Variants in RBM15B observed in about 807,000 individuals in gnomAD.
RBM15B encodes putative RNA-binding protein 15B.
In RBM15B, 11 loss-of-function variants were observed where a neutral mutation model predicts 53.3. That is an observed-to-expected ratio of 0.21 (90% CI 0.13 to 0.34). The LOEUF (loss-of-function observed/expected upper bound fraction) is 0.34. Among genes scored for constraint, RBM15B ranks in the 10% least tolerant of loss-of-function variants. The pLI, the probability that RBM15B is intolerant of heterozygous loss-of-function variation, is 1.00. For synonymous variants in RBM15B, 631 were observed against 540.7 expected, an observed-to-expected ratio of 1.17 and a Z score of -2.32; for missense variants, 1,136 against 1,250.3, an observed-to-expected ratio of 0.91 and a Z score of 1.38.
Position 51,396,100 on chromosome 3 carries a change from A to ATGTT in RBM15B, c.*2029_*2032dup. On this transcript the variant is annotated 3_prime_UTR_variant, in exon 1 of 1. Coordinates refer to ENST00000563281, the MANE Select transcript of RBM15B (RefSeq NM_013286.5). ...AGTCACAGGCCAGAGCTGCCTTGGT[A>ATGTT]TGTTGTTAAGTCCAAAACTTCTTCT... The ATGTT allele has an allele frequency of 2.4e-6, 1 of 410,236 alleles. No individual in the cohort carries two copies. Among genetic ancestry groups the ATGTT allele is most frequent in the Non-Finnish European group, 4.5e-6 (1 of 224,688 alleles). 25.4% of individuals were successfully genotyped at this position (410,236 alleles called of 1,614,324 possible).
At position 51,392,011 on chromosome 3, in the gene RBM15B, G is replaced by T. The variant is rs782102655; in HGVS notation, c.612G>T (p.Gln204His). Residue 204 changes from glutamine (Q) to histidine (H), a missense_variant, in exon 1 of 1, where the codon CAG becomes CAT. Gln to His is a conservative substitution (Grantham distance 24, BLOSUM62 0). This residue lies in a region of RBM15B where 204 missense variants were observed against 196.8 expected (regional missense o/e 1.04). Transcript: ENST00000563281. The surrounding 1 kb of genome is among the most constrained non-coding windows in gnomAD (Gnocchi z 7.5). ...CCCGCCAGCACGCCCTGGCCCGGCAGCTGCTGCTCTACGACCGCCCGCTCA... is the reference window on the plus strand; with the variant it reads ...CCCGCCAGCACGCCCTGGCCCGGCATCTGCTGCTCTACGACCGCCCGCTCA... ...REARQHALAR[Q>H]LLLYDRPLKV... 3.1e-6 allele frequency: 5 copies of T among 1,598,026 alleles called. No individual in the cohort carries two copies. The highest frequency in any genetic ancestry group is 4.2e-6 in the Non-Finnish European group (5 of 1,178,030).
At position 51,391,588 on chromosome 3, in the gene RBM15B, C is replaced by G. The variant is rs1338571612; in HGVS notation, c.189C>G (p.Gly63=). 7 of 1,178,166 alleles carry G rather than the reference C, an allele frequency of 5.9e-6. No individual in the cohort carries two copies. Among genetic ancestry groups the G allele is most frequent in the Non-Finnish European group, 7.3e-6 (7 of 953,894 alleles). 73.0% of individuals were successfully genotyped at this position (1,178,166 alleles called of 1,614,324 possible). Residue 63 remains glycine, a synonymous_variant, in exon 1 of 1, where the codon GGC becomes GGG. Transcript: ENST00000563281. This position sits in a 1 kb window ranked among gnomAD's most constrained non-coding sequence, Gnocchi z 4.5. The stretch of plus-strand genomic sequence containing the variant: ...ACAAACCCCGCGGCAGCGGAAGCGG[C>G]GGGGGCGGGCATCGCGACGGCCGCG... ...ARDKPRGSGS[G]GGGHRDGRGT... is the part of the protein sequence containing the mutation.
In RBM15B at chr3:51,393,450, G is replaced by C. The variant is rs535678560; in HGVS notation, c.2051G>C (p.Ser684Thr). 6.2e-7 allele frequency: 1 copy of C among 1,613,932 alleles called. No homozygotes were observed. Among genetic ancestry groups the C allele is most frequent in the Admixed American group, 1.7e-5 (1 of 60,030 alleles). The part of the protein sequence containing the change: ...DSSHGKKARD[S>T]ERNHRTTEAE... ...TCCCACGGGAAGAAGGCAAGAGACA[G>C]CGAGCGCAATCACCGGACCACAGAG... is the stretch of plus-strand genomic sequence containing the variant. Residue 684 changes from serine to threonine, a missense_variant, in exon 1 of 1, where the codon AGC becomes ACC. Ser to Thr is a moderately conservative substitution (Grantham distance 58). Around this residue, in one of 7 missense-constraint regions of RBM15B, gnomAD observed 578 missense variants for 581.6 expected, o/e 0.99. Coordinates refer to ENST00000563281, the MANE Select transcript of RBM15B (RefSeq NM_013286.5). The surrounding 1 kb of genome is among the most constrained non-coding windows in gnomAD (Gnocchi z 5.6).
At position 51,395,695 on chromosome 3, in the gene RBM15B, G is replaced by A. The variant is rs1012048576; in HGVS notation, c.*1623G>A. 8 of 412,122 alleles carry A rather than the reference G, an allele frequency of 1.9e-5. No individual in the cohort carries two copies. The highest frequency in any genetic ancestry group is 1.0e-4 in the African/African-American group (5 of 48,580). 25.5% of individuals were successfully genotyped at this position (412,122 alleles called of 1,614,324 possible). A position where few individuals can be genotyped will look rare whatever the true frequency, so the allele number is the denominator to read the frequency against. On this transcript the variant is annotated 3_prime_UTR_variant, in exon 1 of 1. Coordinates refer to ENST00000563281, the MANE Select transcript of RBM15B (RefSeq NM_013286.5). ...TGCTCCCTTACCGGAGCTAGGATAA[G>A]GTAGCATGAGTGACACCTGAGATTA...
Position 51,393,930 on chromosome 3 carries a change from C to A in RBM15B, c.2531C>A (p.Ser844Tyr). ...GTGATCAGCTTGCCAGTGGGGGGGT[C>A]CAAGGGCAGAGACGGCACAGGCATG... ...AGVISLPVGG[S>Y]KGRDGTGMLY... The change falls in exon 1 of 1, where the codon TCC (serine) becomes TAC (tyrosine). Residue 844 changes from serine (S) to tyrosine (Y), a missense_variant. Physicochemically the swap from Ser to Tyr is moderately radical, Grantham distance 144. Around this residue, in one of 7 missense-constraint regions of RBM15B, gnomAD observed 578 missense variants for 581.6 expected, o/e 0.99. Coordinates refer to ENST00000563281, the MANE Select transcript of RBM15B (RefSeq NM_013286.5). The surrounding 1 kb of genome is among the most constrained non-coding windows in gnomAD (Gnocchi z 5.6). 1 of 1,539,360 alleles carries A rather than the reference C, an allele frequency of 6.5e-7. No homozygotes were observed. Among genetic ancestry groups the A allele is most frequent in the Admixed American group, 2.1e-5 (1 of 48,212 alleles).
rs998613847 is a variant in RBM15B, at chr3:51,397,740, C to T, written c.*3668C>T. The T allele has an allele frequency of 6.0e-6, 1 of 167,236 alleles. No individual in the cohort carries two copies. Among genetic ancestry groups the T allele is most frequent in the South Asian group, 2.1e-4 (1 of 4,836 alleles). The allele number at this position is 167,236 out of a possible 1,614,324, so 10.4% of individuals were successfully genotyped here. A position where few individuals can be genotyped will look rare whatever the true frequency, so the allele number is the denominator to read the frequency against. On this transcript the variant is annotated 3_prime_UTR_variant, in exon 1 of 1. Transcript: ENST00000563281. ...GAGTGCTCTATGTGGGCAGAACATG[C>T]TCTCCTTGCCTCTCCTGGAAGGTGT...
chr3:51,392,611 C>A lies in RBM15B; in HGVS notation c.1212C>A (p.Arg404=), dbSNP rs782031786. Reference sequence around the variant, plus strand: ...CCATGTCGGGCCGAGTGATTGGTCGCAACCCCATTAAGATAGGCTATGGCA... The same window carrying A: ...CCATGTCGGGCCGAGTGATTGGTCGAAACCCCATTAAGATAGGCTATGGCA... ...KVAMSGRVIG[R]NPIKIGYGKA... is the part of the protein sequence containing the mutation. The change falls in exon 1 of 1, where the codon CGC becomes CGA. Residue 404 remains arginine, a synonymous_variant. Transcript: ENST00000563281. This position sits in a 1 kb window ranked among gnomAD's most constrained non-coding sequence, Gnocchi z 7.5. The A allele has an allele frequency of 6.2e-7, 1 of 1,614,080 alleles. No individual in the cohort carries two copies.
rs781851210 is a variant in RBM15B, at chr3:51,392,274, C to T, written c.875C>T (p.Ala292Val). ...GCAGCCTTCGCCCTGGATGCCGCTGCTGCCGCCGCCGTGGGACTGTCCCGG... is the reference window on the plus strand; with the variant it reads ...GCAGCCTTCGCCCTGGATGCCGCTGTTGCCGCCGCCGTGGGACTGTCCCGG... Reference protein sequence around the residue: ...AAAAFALDAAAAAAVGLSRER... With the variant: ...AAAAFALDAAVAAAVGLSRER... Residue 292 changes from alanine (A) to valine (V), a missense_variant, in exon 1 of 1, where the codon GCT (alanine) becomes GTT (valine). This residue lies in a region of RBM15B where 204 missense variants were observed against 196.8 expected (regional missense o/e 1.04). Transcript: ENST00000563281. This position sits in a 1 kb window ranked among gnomAD's most constrained non-coding sequence, Gnocchi z 7.5. 4 of 1,603,372 alleles carry T rather than the reference C, an allele frequency of 2.5e-6. No individual in the cohort carries two copies. The highest frequency in any genetic ancestry group is 3.4e-6 in the Non-Finnish European group (4 of 1,177,652).
At position 51,393,774 on chromosome 3, in the gene RBM15B, C is replaced by T. The variant is rs782102393; in HGVS notation, c.2375C>T (p.Ala792Val). The change falls in exon 1 of 1, where the codon GCG becomes GTG. Residue 792 changes from alanine to valine, a missense_variant. Ala to Val is a moderately conservative substitution (Grantham distance 64, BLOSUM62 0). This residue lies in a region of RBM15B where 578 missense variants were observed against 581.6 expected (regional missense o/e 0.99). Transcript: ENST00000563281. This position sits in a 1 kb window ranked among gnomAD's most constrained non-coding sequence, Gnocchi z 5.6. Reference sequence around the variant, plus strand: ...AAGCAGGGGAGCCCCAACGGCTATGCGGTCCTCTTAGCCACCCAGGCAACC... The same window carrying T: ...AAGCAGGGGAGCCCCAACGGCTATGTGGTCCTCTTAGCCACCCAGGCAACC... ...RIKQGSPNGY[A>V]VLLATQATPS... 1.2e-5 allele frequency: 20 copies of T among 1,613,830 alleles called. No homozygotes were observed. The highest frequency in any genetic ancestry group is 2.2e-5 in the South Asian group (2 of 91,072).
chr3:51,392,223 G>T lies in RBM15B; in HGVS notation c.824G>T (p.Arg275Leu). Residue 275 changes from arginine (R) to leucine (L), a missense_variant, in exon 1 of 1, where the codon CGG (arginine) becomes CTG (leucine). Arg to Leu is a moderately radical substitution (Grantham distance 102, BLOSUM62 -2). Around this residue, in one of 7 missense-constraint regions of RBM15B, gnomAD observed 204 missense variants for 196.8 expected, o/e 1.04. Coordinates refer to ENST00000563281, the MANE Select transcript of RBM15B (RefSeq NM_013286.5). The surrounding 1 kb of genome is among the most constrained non-coding windows in gnomAD (Gnocchi z 7.5). ...SLSPVAAPPL[R>L]EPRARHAAAA... ...TCCCCCGTCGCTGCCCCGCCCCTGC[G>T]GGAGCCCCGTGCCCGTCACGCCGCC... 1 of 1,559,560 alleles carries T rather than the reference G, an allele frequency of 6.4e-7. No individual in the cohort carries two copies.
At position 51,392,657 on chromosome 3, in the gene RBM15B, C is replaced by G; in HGVS notation, c.1258C>G (p.Leu420Val). 1 of 1,614,210 alleles carries G rather than the reference C, an allele frequency of 6.2e-7. No homozygotes were observed. The highest frequency in any genetic ancestry group is 8.5e-7 in the Non-Finnish European group (1 of 1,180,050). Residue 420 changes from leucine (L) to valine (V), a missense_variant, in exon 1 of 1, where the codon CTC becomes GTC. Leu to Val is a conservative substitution (Grantham distance 32). This residue lies in a region of RBM15B where 45 missense variants were observed against 80.7 expected (regional missense o/e 0.56). Transcript: ENST00000563281. The surrounding 1 kb of genome is among the most constrained non-coding windows in gnomAD (Gnocchi z 7.5). ...TGGCAAGGCCAACCCCACCACTCGT[C>G]TCTGGGTGGGTGGCCTGGGACCTAA... The part of the protein sequence containing the change: ...GYGKANPTTR[L>V]WVGGLGPNTS...
At position 51,393,005 on chromosome 3, in the gene RBM15B, C is replaced by T. The variant is rs782786682; in HGVS notation, c.1606C>T (p.Leu536Phe). ...GGTGCGGGACAGGACGCCCCCACAC[C>T]TTCTGTACTCAGACCGAGACCGGAC... ...DLVRDRTPPH[L>F]LYSDRDRTFL... The change falls in exon 1 of 1, where the codon CTT (leucine) becomes TTT (phenylalanine). Residue 536 changes from leucine to phenylalanine, a missense_variant. Physicochemically the swap from Leu to Phe is conservative, Grantham distance 22. This residue lies in a region of RBM15B where 578 missense variants were observed against 581.6 expected (regional missense o/e 0.99). Coordinates refer to ENST00000563281, the MANE Select transcript of RBM15B (RefSeq NM_013286.5). The surrounding 1 kb of genome is among the most constrained non-coding windows in gnomAD (Gnocchi z 5.6). 6 of 1,613,802 alleles carry T rather than the reference C, an allele frequency of 3.7e-6. No individual in the cohort carries two copies. Among genetic ancestry groups the T allele is most frequent in the Non-Finnish European group, 5.1e-6 (6 of 1,179,994 alleles).
chr3:51,393,028 G>C lies in RBM15B; in HGVS notation c.1629G>C (p.Arg543=). ...PPHLLYSDRD[R]TFLEGDWTSP... Reference sequence around the variant, plus strand: ...ACCTTCTGTACTCAGACCGAGACCGGACTTTTTTGGAAGGGGACTGGACCA... The same window carrying C: ...ACCTTCTGTACTCAGACCGAGACCGCACTTTTTTGGAAGGGGACTGGACCA... Residue 543 remains arginine, a synonymous_variant, in exon 1 of 1, where the codon CGG becomes CGC. Transcript: ENST00000563281. The surrounding 1 kb of genome is among the most constrained non-coding windows in gnomAD (Gnocchi z 5.6). The C allele has an allele frequency of 1.9e-6, 3 of 1,613,852 alleles. No homozygotes were observed. In the South Asian group the frequency reaches 3.3e-5, roughly 18 times the overall value.
chr3:51,393,433 G>T lies in RBM15B; in HGVS notation c.2034G>T (p.Gly678=). 1 of 1,613,882 alleles carries T rather than the reference G, an allele frequency of 6.2e-7. No homozygotes were observed. Among genetic ancestry groups the T allele is most frequent in the South Asian group, 1.1e-5 (1 of 91,092 alleles). ...HHHEAADSSH[G]KKARDSERNH... ...ACGAGGCTGCAGACTCTTCCCACGGGAAGAAGGCAAGAGACAGCGAGCGCA... is the reference window on the plus strand; with the variant it reads ...ACGAGGCTGCAGACTCTTCCCACGGTAAGAAGGCAAGAGACAGCGAGCGCA... Residue 678 remains glycine, a synonymous_variant, in exon 1 of 1, where the codon GGG becomes GGT. Coordinates refer to ENST00000563281, the MANE Select transcript of RBM15B (RefSeq NM_013286.5). The surrounding 1 kb of genome is among the most constrained non-coding windows in gnomAD (Gnocchi z 5.6).
chr3:51,391,976 G>A lies in RBM15B; in HGVS notation c.577G>A (p.Ala193Thr), dbSNP rs1553621623. 1.3e-6 allele frequency: 2 copies of A among 1,599,098 alleles called. No homozygotes were observed. Reference protein sequence around the residue: ...AYVNFRHPQDAREARQHALAR... With the variant: ...AYVNFRHPQDTREARQHALAR... ...CGTGAATTTCCGGCACCCACAGGAC[G>A]CACGCGAGGCCCGCCAGCACGCCCT... is the stretch of plus-strand genomic sequence containing the variant. The change falls in exon 1 of 1, where the codon GCA becomes ACA. Residue 193 changes from alanine to threonine, a missense_variant. Coordinates refer to ENST00000563281, the MANE Select transcript of RBM15B (RefSeq NM_013286.5). The surrounding 1 kb of genome is among the most constrained non-coding windows in gnomAD (Gnocchi z 4.5).
chr3:51,393,806 G>T lies in RBM15B; in HGVS notation c.2407G>T (p.Gly803Trp). ...VLLATQATPSGLGTEGMPTVE... is the reference protein window; with the variant it reads ...VLLATQATPSWLGTEGMPTVE... Reference sequence around the variant, plus strand: ...CTTAGCCACCCAGGCAACCCCCAGTGGGCTTGGCACTGAGGGGATGCCCAC... The same window carrying T: ...CTTAGCCACCCAGGCAACCCCCAGTTGGCTTGGCACTGAGGGGATGCCCAC... The change falls in exon 1 of 1, where the codon GGG becomes TGG. Residue 803 changes from glycine to tryptophan, a missense_variant. Gly to Trp is a radical substitution (Grantham distance 184, BLOSUM62 -2). Around this residue, in one of 7 missense-constraint regions of RBM15B, gnomAD observed 578 missense variants for 581.6 expected, o/e 0.99. Coordinates refer to ENST00000563281, the MANE Select transcript of RBM15B (RefSeq NM_013286.5). This position sits in a 1 kb window ranked among gnomAD's most constrained non-coding sequence, Gnocchi z 5.6. 1 of 1,613,578 alleles carries T rather than the reference G, an allele frequency of 6.2e-7. No individual in the cohort carries two copies. The highest frequency in any genetic ancestry group is 1.1e-5 in the South Asian group (1 of 91,024).
chr3:51,396,199 G>A lies in RBM15B; in HGVS notation c.*2127G>A, dbSNP rs1251070658. Reference sequence around the variant, plus strand: ...AATCATCTACCTCCCAGCTTTGTGAGACAGAACCAAGTAAAAGGAAACATG... The same window carrying A: ...AATCATCTACCTCCCAGCTTTGTGAAACAGAACCAAGTAAAAGGAAACATG... On this transcript the variant is annotated 3_prime_UTR_variant, in exon 1 of 1. Coordinates refer to ENST00000563281, the MANE Select transcript of RBM15B (RefSeq NM_013286.5). 3 of 352,832 alleles carry A rather than the reference G, an allele frequency of 8.5e-6. No individual in the cohort carries two copies. Among genetic ancestry groups the A allele is most frequent in the Non-Finnish European group, 1.6e-5 (3 of 188,314 alleles). 21.9% of individuals were successfully genotyped at this position (352,832 alleles called of 1,614,324 possible).
At position 51,393,603 on chromosome 3, in the gene RBM15B, C is replaced by T. The variant is rs782671755; in HGVS notation, c.2204C>T (p.Thr735Met). 1.9e-6 allele frequency: 3 copies of T among 1,614,138 alleles called. No individual in the cohort carries two copies. Among genetic ancestry groups the T allele is most frequent in the East Asian group, 2.2e-5 (1 of 44,884 alleles). ...GTGTTGAAAAACAGCTGCTTCCCCA[C>T]GTCTATGCATATCCTAGAGGGGGAC... ...LLVLKNSCFP[T>M]SMHILEGDQG... The change falls in exon 1 of 1, where the codon ACG (threonine) becomes ATG (methionine). Residue 735 changes from threonine (T) to methionine (M), a missense_variant. Thr to Met is a moderately conservative substitution (Grantham distance 81). This residue lies in a region of RBM15B where 578 missense variants were observed against 581.6 expected (regional missense o/e 0.99). Transcript: ENST00000563281. This position sits in a 1 kb window ranked among gnomAD's most constrained non-coding sequence, Gnocchi z 5.6.
rs782188195 is a variant in RBM15B at position 51,395,876 on chromosome 3, A to C, written c.*1804A>C. 2.6e-4 allele frequency: 109 copies of C among 413,420 alleles called. No individual in the cohort carries two copies. The highest frequency in any genetic ancestry group is 3.9e-4 in the Non-Finnish European group (88 of 226,162). The allele number at this position is 413,420 out of a possible 1,614,324, so 25.6% of individuals were successfully genotyped here. On this transcript the variant is annotated 3_prime_UTR_variant, in exon 1 of 1. Transcript: ENST00000563281. The stretch of plus-strand genomic sequence containing the variant: ...AAAACAGCAACACAAAGACATGTTA[A>C]GCATGTTTATTTATTTGCCTGTTTT...
Sources: allele counts gnomAD v4.1 joint callset, GRCh38; gene constraint gnomAD v4.1.1; regional missense constraint gnomAD v4.1.1; non-coding constraint Gnocchi (gnomAD v3.1); transcripts MANE v1.5; gene names NCBI Gene and HGNC (gene_info 2026-07-23, HGNC 2026-07-21).